RIC8B: variants seen among roughly 807,000 people sequenced by gnomAD.
RIC8B encodes the protein chaperone Ric-8B.
In RIC8B, 16 loss-of-function variants were observed where a neutral mutation model predicts 57.5. The ratio of observed to expected loss-of-function variants is 0.28; its 90% CI spans 0.19 to 0.42. The LOEUF (loss-of-function observed/expected upper bound fraction) is 0.42. RIC8B is among the 10% of genes least tolerant of loss of function. RIC8B has a pLI of 1.00. For synonymous variants in RIC8B, 216 were observed against 250.8 expected (o/e 0.86, Z 1.31); for missense variants, 481 against 677.0 (o/e 0.71, Z 3.21).
intron 2 of RIC8B, among the ~76,000 whole-genome samples, chr12:106,806,469 T>C (rs1201231653): frequency 1.3e-5 from 2 of 152,202 alleles, no homozygotes; most frequent in Non-Finnish European, 2.9e-5. Context: ...GTGGCATCTT[T>C]CATGGCTTTT....
rs34706345 is a variant in RIC8B at position 106,802,534 on chromosome 12, A to ATTT, written c.133-12137_133-12135dup. ...ATTTCACTGCCACTACAATATGAGAATTTTTTTTTTTTTTTTTTTTTTTTT... is the reference window on the plus strand; with the variant it reads ...ATTTCACTGCCACTACAATATGAGAATTTTTTTTTTTTTTTTTTTTTTTTTTTT... On this transcript the variant is annotated intron_variant, in intron 2 of 9. Transcript: ENST00000392837. Among the ~76,000 whole-genome samples the ATTT allele has an allele frequency of 2.6e-3, 269 of 102,152 alleles. 4 individuals are homozygous for ATTT. The highest frequency in any genetic ancestry group is 9.6e-3 in the African/African-American group (251 of 26,220). The allele number at this position is 102,152 out of a possible 152,430, so 67.0% of individuals were successfully genotyped here.
chr12:106,852,767 A>G (rs1949527652), intron 7 of RIC8B, among the ~76,000 whole-genome samples: 1 of 152,220 alleles, frequency 6.6e-6, no homozygotes, highest in Non-Finnish European at 1.5e-5. Flanking sequence ...AACTATTATC[A>G]TAGACTGTTT....
intron 2 of RIC8B, among the ~76,000 whole-genome samples, chr12:106,791,800 G>A (rs2044271069): frequency 6.6e-6 from 1 of 152,066 alleles, no homozygotes; most frequent in African/African-American, 2.4e-5. Flanking sequence ...GAAAATGAAT[G>A]GGTAAATTTC....
chr12:106,819,790 G>GTATTT (rs2045758863), intron 3 of RIC8B, among the ~76,000 whole-genome samples: 1 of 146,780 alleles, frequency 6.8e-6, no homozygotes, highest in African/African-American at 2.5e-5. Context: ...TAATATATAA[G>GTATTT]TATATATAAA....
chr12:106,805,714 G>A (rs781214270), intron 2 of RIC8B, among the ~76,000 whole-genome samples: 41 of 152,150 alleles, frequency 2.7e-4, no homozygotes, highest in Non-Finnish European at 4.7e-4. Flanking sequence ...ATACTCTGCA[G>A]TAAGTTCCCC....
At chr12:106,838,365 A>G (rs913196771) in intron 4 of RIC8B, among the ~76,000 whole-genome samples, 1 of 152,104 alleles carries the variant, frequency 6.6e-6, no homozygotes, top group Admixed American at 6.6e-5. Flanking sequence ...ACCTAAAACA[A>G]TAAAACTCTT....
At chr12:106,784,201 A>G (rs988479147) in intron 2 of RIC8B, among the ~76,000 whole-genome samples, 157 bp downstream of exon 2, 1 of 152,084 alleles carries the variant, frequency 6.6e-6, no homozygotes, top group African/African-American at 2.4e-5. Flanking sequence ...AGGTTAGGTT[A>G]GGTTTAGTTT....
intron 8 of RIC8B, among the ~76,000 whole-genome samples, chr12:106,864,001 G>C (rs1349281154): frequency 6.6e-6 from 1 of 152,022 alleles, no homozygotes; most frequent in African/African-American, 2.4e-5. Context: ...CTAATACATG[G>C]TAGATACATA....
intron 2 of RIC8B, among the ~76,000 whole-genome samples, chr12:106,791,464 T>C (rs1741475456): frequency 6.6e-6 from 1 of 152,244 alleles, no homozygotes; most frequent in East Asian, 1.9e-4. Flanking sequence ...TTGGCCTTCT[T>C]GATTACGTAT....
intron 7 of RIC8B, 38 bp from the exon 8 acceptor site, chr12:106,860,230 C>G (rs751128693): frequency 6.7e-7 from 1 of 1,494,440 alleles, no homozygotes; most frequent in African/African-American, 1.4e-5. Context: ...GGTGAAGACC[C>G]AAGGATTCCT....
At chr12:106,835,978 T>C (rs898587754) in intron 4 of RIC8B, among the ~76,000 whole-genome samples, 3 of 152,248 alleles carry the variant, frequency 2.0e-5, no homozygotes, top group Non-Finnish European at 2.9e-5. Context: ...CTGATTCCTC[T>C]ACTGTTCTTT....
intron 3 of RIC8B, among the ~76,000 whole-genome samples, chr12:106,817,268 TAATA>T (rs1293349725): frequency 6.6e-6 from 1 of 152,162 alleles, no homozygotes; most frequent in Non-Finnish European, 1.5e-5. Flanking sequence ...GTGAGATAGG[TAATA>T]AATCAGTAAA....
At chr12:106,776,897 G>A (rs543454290) in intron 1 of RIC8B, among the ~76,000 whole-genome samples, 1 of 152,180 alleles carries the variant, frequency 6.6e-6, no homozygotes, top group Non-Finnish European at 1.5e-5. Context: ...TGGAGACAGG[G>A]TCTGTATCTG....
At position 106,879,911 on chromosome 12, in the gene RIC8B, TCTTAA is replaced by T. The variant is rs1443639117; in HGVS notation, c.1572-5989_1572-5985del. ...ACTGTACTTTTTGATACGAGGGCAGTCTTAACTTGTGTTAAGGCCTGTGTGTAGCA... is the reference window on the plus strand; with the variant it reads ...ACTGTACTTTTTGATACGAGGGCAGTCTTGTGTTAAGGCCTGTGTGTAGCA... On this transcript the variant is annotated intron_variant, in intron 9 of 9. Transcript: ENST00000392837. The surrounding 1 kb of genome is among the most constrained non-coding windows in gnomAD (Gnocchi z 4.9). 1.0e-6 allele frequency: 1 copy of T among 985,250 alleles called. No individual in the cohort carries two copies. The highest frequency in any genetic ancestry group is 1.2e-6 in the Non-Finnish European group (1 of 829,818). The allele number at this position is 985,250 out of a possible 1,614,324, so 61.0% of individuals were successfully genotyped here.
intron 2 of RIC8B, among the ~76,000 whole-genome samples, chr12:106,784,551 G>T (rs185495207): frequency 6.6e-6 from 1 of 152,066 alleles, no homozygotes; most frequent in East Asian, 1.9e-4. Context: ...GTAGAGACAG[G>T]GTCTCATCAT....
At chr12:106,793,513 C>A (rs1237717007) in intron 2 of RIC8B, among the ~76,000 whole-genome samples, 1 of 152,186 alleles carries the variant, frequency 6.6e-6, no homozygotes, top group African/African-American at 2.4e-5. Context: ...GATAACTGAG[C>A]TAGATTGCTA....
chr12:106,877,190 C>T lies in RIC8B; in HGVS notation c.1571+6248C>T, dbSNP rs138849376. Among the ~76,000 whole-genome samples the T allele has an allele frequency of 1.9e-3, 287 of 152,046 alleles. 2 individuals are homozygous for T. The highest frequency in any genetic ancestry group is 6.5e-3 in the African/African-American group (271 of 41,486). On this transcript the variant is annotated intron_variant, in intron 9 of 9. Coordinates refer to ENST00000392837, the MANE Select transcript of RIC8B (RefSeq NM_001330145.2). ...AAGGTATAAAAAATGCTTCCATATA[C>T]GTTATCTCCATTGATTATTAAAACA...
intron 2 of RIC8B, among the ~76,000 whole-genome samples, chr12:106,812,194 C>A (rs1207391941): frequency 1.3e-5 from 2 of 152,160 alleles, no homozygotes; most frequent in Non-Finnish European, 2.9e-5. Flanking sequence ...TGTTCAAGAA[C>A]AACTATGATT....
In RIC8B at chr12:106,843,670, C is replaced by T. The variant is rs1171273905; in HGVS notation, c.1066-182C>T. On this transcript the variant is annotated intron_variant, in intron 5 of 9. Transcript: ENST00000392837. ...CCGGGAGGTGGAGCTTGCAGTGAGC[C>T]GAGATTGCGCCGCTGCACTCCAGCC... is the stretch of plus-strand genomic sequence containing the variant. Among the ~76,000 whole-genome samples, 5 of 139,778 alleles carry T rather than the reference C, an allele frequency of 3.6e-5. No homozygotes were observed. In the East Asian group the frequency reaches 6.4e-4, roughly 18 times the overall value. 91.7% of individuals were successfully genotyped at this position (139,778 alleles called of 152,430 possible). A position where few individuals can be genotyped will look rare whatever the true frequency, so the allele number is the denominator to read the frequency against.
Sources: allele counts gnomAD v4.1 joint callset (sites outside exome capture counted in the v4.1 genomes callset), GRCh38; gene constraint gnomAD v4.1.1; non-coding constraint Gnocchi (gnomAD v3.1); transcripts MANE v1.5; gene names NCBI Gene and HGNC (gene_info 2026-07-23, HGNC 2026-07-21).